OSBPL5: variants seen among roughly 807,000 people sequenced by gnomAD.
The protein encoded by OSBPL5 is oxysterol binding protein like 5, also known as oxysterol-binding protein-related protein 5.
OSBPL5 carries 71 observed loss-of-function variants against 111.2 expected under a neutral mutation model. That is an observed-to-expected ratio of 0.64 (90% confidence interval 0.53 to 0.78). OSBPL5 has a LOEUF of 0.78. Ranked by LOEUF, OSBPL5 falls within the 30% of genes least tolerant of loss-of-function variation. The pLI is 0.00. For synonymous variants in OSBPL5, 549 were observed against 513.9 expected (o/e 1.07, Z -0.93); for missense variants, 1,210 against 1,189.3 (o/e 1.02, Z -0.26).
At chr11:3,103,766 C>T (rs1437780917) in intron 10 of OSBPL5, among the ~76,000 whole-genome samples, 29 of 83,018 alleles carry the variant, frequency 3.5e-4, no homozygotes, top group Middle Eastern at 6.4e-3. Context: ...GCTCTGCAGC[C>T]CCCTTCCAGC....
At chr11:3,127,117 G>C (rs1397397214) in intron 2 of OSBPL5, among the ~76,000 whole-genome samples, 1 of 152,204 alleles carries the variant, frequency 6.6e-6, no homozygotes, top group Non-Finnish European at 1.5e-5. Flanking sequence ...CCCTCCCCCG[G>C]CTCTGTTTGC....
chr11:3,155,929 A>T (rs1846744749), intron 1 of OSBPL5, among the ~76,000 whole-genome samples: 1 of 152,258 alleles, frequency 6.6e-6, no homozygotes, highest in South Asian at 2.1e-4. Flanking sequence ...CCAGGCCCTC[A>T]GTCTCAGGCT....
chr11:3,141,177 T>C lies in OSBPL5; in HGVS notation c.-21-12008A>G, dbSNP rs1369611980. On this transcript the variant is annotated intron_variant, in intron 1 of 21. Coordinates refer to ENST00000263650, the MANE Select transcript of OSBPL5 (RefSeq NM_020896.4). The surrounding 1 kb of genome is among the most constrained non-coding windows in gnomAD (Gnocchi z 6.5). ...CTCTGATGCTGACAGCCACCCAGGC[T>C]TCCCCCCGCCCAGCAGACAGTATCG... Among the ~76,000 whole-genome samples the C allele has an allele frequency of 6.6e-6, 1 of 152,120 alleles. No homozygotes were observed. Among genetic ancestry groups the C allele is most frequent in the Non-Finnish European group, 1.5e-5 (1 of 68,012 alleles).
In OSBPL5 at chr11:3,104,097, G is replaced by C. The variant is rs1036642271; in HGVS notation, c.1244+96C>G. The C allele has an allele frequency of 9.6e-6, 13 of 1,356,268 alleles. No homozygotes were observed. The highest frequency in any genetic ancestry group is 1.5e-5 in the African/African-American group (1 of 68,814). The allele number at this position is 1,356,268 out of a possible 1,614,324, so 84.0% of individuals were successfully genotyped here. A position where few individuals can be genotyped will look rare whatever the true frequency, so the allele number is the denominator to read the frequency against. On this transcript the variant is annotated intron_variant, in intron 10 of 21. Coordinates refer to ENST00000263650, the MANE Select transcript of OSBPL5 (RefSeq NM_020896.4). This position sits in a 1 kb window ranked among gnomAD's most constrained non-coding sequence, Gnocchi z 5.0. The stretch of plus-strand genomic sequence containing the variant: ...CTGAGATCAGCCATGGGATTCTCTG[G>C]AAGCCCCCACAGGGCAGGTAGGGGC...
intron 3 of OSBPL5, among the ~76,000 whole-genome samples, chr11:3,122,630 G>A (rs1400758520): frequency 6.6e-6 from 1 of 152,116 alleles, no homozygotes; most frequent in Non-Finnish European, 1.5e-5. Context: ...TGGCTGACGA[G>A]AGACCCTCCA....
Position 3,094,092 on chromosome 11 carries a change from C to T in OSBPL5, c.1719+145G>A, listed in dbSNP as rs575385593. 173 of 829,376 alleles carry T rather than the reference C, an allele frequency of 2.1e-4. 2 individuals carry two copies. Among genetic ancestry groups the T allele is most frequent in the Non-Finnish European group, 1.9e-5 (10 of 532,238 alleles). 51.4% of individuals were successfully genotyped at this position (829,376 alleles called of 1,614,324 possible). On this transcript the variant is annotated intron_variant, in intron 15 of 21. Transcript: ENST00000263650. Reference sequence around the variant, plus strand: ...GCAGCCTCCCTTCTCTGGGCCCTGTCTGTGTTCCGGGATGTCAACAGCTGC... The same window carrying T: ...GCAGCCTCCCTTCTCTGGGCCCTGTTTGTGTTCCGGGATGTCAACAGCTGC...
chr11:3,102,670 C>CCTCT (rs35034592), intron 11 of OSBPL5, among the ~76,000 whole-genome samples: 25,096 of 152,036 alleles, frequency 0.17, 2,448 homozygotes, highest in African/African-American at 0.28. Context: ...CATCCTTTCA[C>CCTCT]CTGAGCCTCA....
intron 1 of OSBPL5, among the ~76,000 whole-genome samples, chr11:3,153,197 G>A (rs1846645656): frequency 1.3e-5 from 2 of 152,194 alleles, no homozygotes; most frequent in Non-Finnish European, 2.9e-5. Context: ...GTCCCCACCT[G>A]TAAAATGGGG....
At chr11:3,147,617 G>A (rs1362436990) in intron 1 of OSBPL5, among the ~76,000 whole-genome samples, 8 of 152,238 alleles carry the variant, frequency 5.3e-5, no homozygotes, top group Non-Finnish European at 1.5e-5. Context: ...CTTTAAGCCA[G>A]GGATGGACTT....
chr11:3,104,578 T>C lies in OSBPL5; in HGVS notation c.1060-201A>G, dbSNP rs1169392700. On this transcript the variant is annotated intron_variant, in intron 9 of 21. Coordinates refer to ENST00000263650, the MANE Select transcript of OSBPL5 (RefSeq NM_020896.4). This position sits in a 1 kb window ranked among gnomAD's most constrained non-coding sequence, Gnocchi z 5.0. ...TCCCAATGCGTCTCCACCCCACCCC[T>C]GGAGCACCCGCAGCCCAGGTCCAGG... Among the ~76,000 whole-genome samples, 3 of 152,158 alleles carry C rather than the reference T, an allele frequency of 2.0e-5. No individual in the cohort carries two copies.
At position 3,105,981 on chromosome 11, in the gene OSBPL5, C is replaced by T. The variant is rs375761106; in HGVS notation, c.1059+1282G>A. Among the ~76,000 whole-genome samples the T allele has an allele frequency of 3.9e-5, 6 of 152,202 alleles. No individual in the cohort carries two copies. The highest frequency in any genetic ancestry group is 1.4e-4 in the African/African-American group (6 of 41,448). On this transcript the variant is annotated intron_variant, in intron 9 of 21. Coordinates refer to ENST00000263650, the MANE Select transcript of OSBPL5 (RefSeq NM_020896.4). The surrounding 1 kb of genome is among the most constrained non-coding windows in gnomAD (Gnocchi z 5.2). ...ACAATGGGTCTTCCCTACGGGTGGC[C>T]CAGTGTCCACCCCCGCCCCTCGGCT... is the stretch of plus-strand genomic sequence containing the variant.
At position 3,090,557 on chromosome 11, in the gene OSBPL5, C is replaced by G. The variant is rs1226283396; in HGVS notation, c.2398+1G>C. ...TTGGGGCTGGGCCCAAGGGGGCTCACCAGGGACAAAGTCACCATCCTGCTC... is the reference window on the plus strand; with the variant it reads ...TTGGGGCTGGGCCCAAGGGGGCTCAGCAGGGACAAAGTCACCATCCTGCTC... On this transcript the variant is annotated splice_donor_variant, in intron 20 of 21. Transcript: ENST00000263650. LOFTEE classifies it high-confidence loss of function. 1 of 1,612,282 alleles carries G rather than the reference C, an allele frequency of 6.2e-7. No individual in the cohort carries two copies. Among genetic ancestry groups the G allele is most frequent in the South Asian group, 1.1e-5 (1 of 91,044 alleles).
intron 14 of OSBPL5, among the ~76,000 whole-genome samples, chr11:3,098,056 G>A (rs1258262181): frequency 2.6e-5 from 4 of 152,050 alleles, no homozygotes; most frequent in African/African-American, 9.7e-5. Context: ...CAACAAGAGT[G>A]AAACCCCAAC....
intron 2 of OSBPL5, among the ~76,000 whole-genome samples, chr11:3,128,187 T>C (rs1440846857): frequency 2.0e-5 from 3 of 152,202 alleles, no homozygotes; most frequent in Non-Finnish European, 4.4e-5. Flanking sequence ...CCCTCGAGCC[T>C]GGGTGGTGGA....
chr11:3,092,820 T>C lies in OSBPL5; in HGVS notation c.2132+47A>G, dbSNP rs1244640389. ...CCTGGGCCCTTCTCAGCCCGTCTGC[T>C]AGGCCCAGCCCCACCCTGTGGCCCC... On this transcript the variant is annotated intron_variant, in intron 18 of 21. Coordinates refer to ENST00000263650, the MANE Select transcript of OSBPL5 (RefSeq NM_020896.4). This position sits in a 1 kb window ranked among gnomAD's most constrained non-coding sequence, Gnocchi z 5.4. The C allele has an allele frequency of 6.8e-7, 1 of 1,480,812 alleles. No individual in the cohort carries two copies. Among genetic ancestry groups the C allele is most frequent in the East Asian group, 2.5e-5 (1 of 40,070 alleles). The allele number at this position is 1,480,812 out of a possible 1,614,324, so 91.7% of individuals were successfully genotyped here.
At chr11:3,108,380 T>C (rs1307091986) in intron 7 of OSBPL5, among the ~76,000 whole-genome samples, 2 of 152,164 alleles carry the variant, frequency 1.3e-5, no homozygotes, top group Non-Finnish European at 2.9e-5. Context: ...CACAGGTTTC[T>C]GCAGGTGGAG....
chr11:3,158,849 C>A (rs976858220), intron 1 of OSBPL5, among the ~76,000 whole-genome samples: 2 of 152,188 alleles, frequency 1.3e-5, no homozygotes, highest in African/African-American at 4.8e-5. Flanking sequence ...GAAGCCAGGG[C>A]CTCGGGAGTG....
At chr11:3,148,176 G>A (rs546150043) in intron 1 of OSBPL5, among the ~76,000 whole-genome samples, 26 of 152,340 alleles carry the variant, frequency 1.7e-4, no homozygotes, top group South Asian at 1.2e-3. Flanking sequence ...GGGACTCCCC[G>A]GGGAGCAGGT....
At chr11:3,102,104 G>C in intron 12 of OSBPL5, 79 bp downstream of exon 12, 1 of 1,447,238 alleles carries the variant, frequency 6.9e-7, no homozygotes, top group Non-Finnish European at 9.4e-7. Context: ...GCCCCTGCCT[G>C]CTGCCAGGGC....
Sources: allele counts gnomAD v4.1 joint callset (sites outside exome capture counted in the v4.1 genomes callset), GRCh38; gene constraint gnomAD v4.1.1; non-coding constraint Gnocchi (gnomAD v3.1); transcripts MANE v1.5; gene names NCBI Gene and HGNC (gene_info 2026-07-23, HGNC 2026-07-21).